Variants in FRYL observed in about 807,000 individuals in gnomAD.
The protein encoded by FRYL is protein furry homolog-like.
A neutral mutation model predicts 351.2 loss-of-function variants in FRYL; 150 were observed. The observed-to-expected ratio is 0.43, with a 90% confidence interval of 0.37 to 0.49. The LOEUF (loss-of-function observed/expected upper bound fraction) is 0.49, where lower values mean the gene tolerates loss of function less well. Among genes scored for constraint, FRYL ranks in the 20% least tolerant of loss-of-function variants. The pLI is 0.00. For synonymous variants in FRYL, 1,153 were observed against 1,257.1 expected (o/e 0.92, Z 1.75); for missense variants, 3,036 against 3,619.3 (o/e 0.84, Z 4.13).
intron 1 of FRYL, among the ~76,000 whole-genome samples, chr4:48,715,328 A>C (rs1768662332): frequency 6.6e-6 from 1 of 152,184 alleles, no homozygotes; most frequent in African/African-American, 2.4e-5. Flanking sequence ...AGAGGGAGTC[A>C]AATTGTCCCT....
chr4:48,746,416 G>A (rs1257891435), intron 1 of FRYL, among the ~76,000 whole-genome samples: 3 of 151,890 alleles, frequency 2.0e-5, no homozygotes, highest in African/African-American at 7.3e-5. Context: ...ATGGTGGCGG[G>A]TGCCTGTATT....
chr4:48,504,937 T>C (rs1188562476), intron 60 of FRYL, among the ~76,000 whole-genome samples: 1 of 152,162 alleles, frequency 6.6e-6, no homozygotes, highest in Non-Finnish European at 1.5e-5. Context: ...GGAATTCTGA[T>C]GTCAAATGGA....
rs1560530059 is a variant in FRYL at position 48,521,194 on chromosome 4, C to T, written c.7543G>A (p.Asp2515Asn). ...TCAGGATGGTCTGGTATTGTTTCAT[C>T]AGTGGCAGAATCACTGTTTAACTAA... Reference protein sequence around the residue: ...TQMLNSDSATDETIPDHPDLL... With the variant: ...TQMLNSDSATNETIPDHPDLL... Residue 2515 changes from aspartate (D) to asparagine (N), a missense_variant, in exon 55 of 64, where the codon GAT (aspartate) becomes AAT (asparagine). Around this residue, in one of 7 missense-constraint regions of FRYL, gnomAD observed 1,987 missense variants for 2,311.7 expected, o/e 0.86. Coordinates refer to ENST00000358350, the MANE Select transcript of FRYL (RefSeq NM_015030.2). 1 of 1,608,138 alleles carries T rather than the reference C, an allele frequency of 6.2e-7. No homozygotes were observed. The highest frequency in any genetic ancestry group is 8.5e-7 in the Non-Finnish European group (1 of 1,176,832).
At chr4:48,515,427 G>T in intron 55 of FRYL, 152 bp from the exon 56 acceptor site, 1 of 621,518 alleles carries the variant, frequency 1.6e-6, no homozygotes. Context: ...GAGTGCAATG[G>T]CGTGATCTTG....
chr4:48,525,842 A>G (rs1726047787), intron 53 of FRYL, among the ~76,000 whole-genome samples: 1 of 149,876 alleles, frequency 6.7e-6, no homozygotes, highest in South Asian at 2.1e-4. Context: ...TGTACATGAG[A>G]GTTGATGAAT....
rs1462223831 is a variant in FRYL, at chr4:48,682,431, T to A, written c.-81+2242A>T. On this transcript the variant is annotated intron_variant, in intron 3 of 63. Coordinates refer to ENST00000358350, the MANE Select transcript of FRYL (RefSeq NM_015030.2). The stretch of plus-strand genomic sequence containing the variant: ...GCCAAAATTGACAAATGGGATCTAA[T>A]TAAAGAGCTTCTGCACAGCCAAAGA... Among the ~76,000 whole-genome samples, 6 of 151,874 alleles carry A rather than the reference T, an allele frequency of 4.0e-5. No homozygotes were observed. The South Asian group carries it at 8.3e-4, about 21-fold the overall frequency.
At chr4:48,542,261 C>T (rs1242988838) in intron 44 of FRYL, 140 bp from the exon 45 acceptor site, 3 of 646,422 alleles carry the variant, frequency 4.6e-6, no homozygotes, top group Non-Finnish European at 8.2e-6. Flanking sequence ...CATGATCTTG[C>T]TGATTGATGC....
intron 4 of FRYL, among the ~76,000 whole-genome samples, chr4:48,625,164 C>T (rs1388084016): frequency 6.6e-6 from 1 of 152,132 alleles, no homozygotes; most frequent in Non-Finnish European, 1.5e-5. Context: ...ATCTCTCTTT[C>T]TACATACATA....
chr4:48,636,365 A>C (rs1401294908), intron 3 of FRYL, among the ~76,000 whole-genome samples: 2 of 152,220 alleles, frequency 1.3e-5, no homozygotes, highest in African/African-American at 4.8e-5. Flanking sequence ...TAAGATTCAT[A>C]AGGTCATAAC....
At chr4:48,553,794 G>T (rs1296488908) in intron 35 of FRYL, among the ~76,000 whole-genome samples, 1 of 151,640 alleles carries the variant, frequency 6.6e-6, no homozygotes, top group East Asian at 1.9e-4. Flanking sequence ...CTTTTATTCC[G>T]CCTTCCCCAT....
Position 48,548,800 on chromosome 4 carries a change from CAAAT to C in FRYL, c.4785-11_4785-8del, listed in dbSNP as rs764776346. The C allele has an allele frequency of 1.3e-5, 19 of 1,517,448 alleles. No individual in the cohort carries two copies. The highest frequency in any genetic ancestry group is 1.7e-5 in the Non-Finnish European group (19 of 1,105,590). 94.0% of individuals were successfully genotyped at this position (1,517,448 alleles called of 1,614,324 possible). On this transcript the variant is annotated splice_polypyrimidine_tract_variant and splice_region_variant and intron_variant, in intron 39 of 63. Coordinates refer to ENST00000358350, the MANE Select transcript of FRYL (RefSeq NM_015030.2). Reference sequence around the variant, plus strand: ...GATCACTGCTATGTTACACCTATGACAAATAAGAGTTTCATTAACGTTTTACTAG... The same window carrying C: ...GATCACTGCTATGTTACACCTATGACAAGAGTTTCATTAACGTTTTACTAG...
intron 55 of FRYL, among the ~76,000 whole-genome samples, chr4:48,518,463 G>A (rs2148812805): frequency 6.6e-6 from 1 of 152,258 alleles, no homozygotes; most frequent in East Asian, 1.9e-4. Context: ...ATCCCTAACT[G>A]CAAGCTCTAT....
chr4:48,653,819 CAGCAGCAGCAGCAGAAGCAGA>C, intron 3 of FRYL: 1 of 1,283,312 alleles, frequency 7.8e-7, no homozygotes, highest in South Asian at 1.2e-5. Context: ...GCAGCAGCAG[CAGCAGCAGCAGCAGAAGCAGA>C]AGCAGCAGCA....
chr4:48,729,409 T>C (rs1398318126), intron 1 of FRYL, among the ~76,000 whole-genome samples: 1 of 152,202 alleles, frequency 6.6e-6, no homozygotes, highest in East Asian at 1.9e-4. Context: ...GTGTTCGAGC[T>C]CTGATAACGG....
chr4:48,666,774 A>G (rs1043874523), intron 3 of FRYL, among the ~76,000 whole-genome samples: 2 of 152,188 alleles, frequency 1.3e-5, no homozygotes, highest in African/African-American at 4.8e-5. Flanking sequence ...TTCTTCATCA[A>G]GTTGACTAGA....
At chr4:48,674,033 T>C (rs560290353) in intron 3 of FRYL, among the ~76,000 whole-genome samples, 25 of 152,350 alleles carry the variant, frequency 1.6e-4, no homozygotes, top group Non-Finnish European at 3.1e-4. Flanking sequence ...GTTAAATGTA[T>C]CATTGTCTCT....
chr4:48,727,158 C>T (rs1309756434), intron 1 of FRYL, among the ~76,000 whole-genome samples: 1 of 151,712 alleles, frequency 6.6e-6, no homozygotes, highest in Non-Finnish European at 1.5e-5. Flanking sequence ...TGCAAGGATG[C>T]ACTAAAACTT....
intron 54 of FRYL, 29 bp downstream of exon 54, chr4:48,522,872 T>C (rs193252572): frequency 3.8e-5 from 59 of 1,539,274 alleles, no homozygotes; most frequent in Non-Finnish European, 3.0e-5. Context: ...TGAGACCAAA[T>C]GTCACTGTAA....
intron 3 of FRYL, among the ~76,000 whole-genome samples, chr4:48,652,294 T>C (rs1019403156): frequency 8.5e-5 from 13 of 152,344 alleles, no homozygotes; most frequent in East Asian, 1.9e-4. Context: ...TTATTCTCAC[T>C]ATAAAACTGT....
Sources: gnomAD v4.1 joint callset for allele counts (sites outside exome capture counted in the v4.1 genomes callset) on GRCh38, gnomAD v4.1.1 for gene constraint, gnomAD v4.1.1 regional missense constraint, MANE v1.5 for transcripts, NCBI Gene and HGNC (gene_info 2026-07-23, HGNC 2026-07-21) for gene names.